RCSD1: variants seen among roughly 807,000 people sequenced by gnomAD.
RCSD1 encodes RCSD domain containing 1, also known as capZ-interacting protein.
RCSD1 carries 26 observed loss-of-function variants against 42.5 expected under a neutral mutation model. The observed-to-expected ratio is 0.61, with a 90% confidence interval of 0.45 to 0.85. The LOEUF (loss-of-function observed/expected upper bound fraction) is 0.85, where lower values mean the gene tolerates loss of function less well. Ranked by LOEUF, RCSD1 falls within the 40% of genes least tolerant of loss-of-function variation. The pLI, the probability that RCSD1 is intolerant of heterozygous loss-of-function variation, is 0.00. For synonymous variants in RCSD1, 220 were observed against 212.2 expected, an observed-to-expected ratio of 1.04 and a Z score of -0.32; for missense variants, 571 against 528.3, an observed-to-expected ratio of 1.08 and a Z score of -0.79.
rs141654714 is a variant in RCSD1, at chr1:167,652,727, T to C, written c.6+22298T>C. Among the ~76,000 whole-genome samples the C allele has an allele frequency of 2.9e-3, 437 of 152,326 alleles. 4 individuals carry two copies. The highest frequency in any genetic ancestry group is 0.01 in the African/African-American group (418 of 41,584). On this transcript the variant is annotated intron_variant, in intron 1 of 6. Transcript: ENST00000367854. ...AGCATGGGGGATTTTTTTTTAGCCT[T>C]TTTCTTGTTTCATACACATCTCCAT...
chr1:167,694,516 C>T (rs887287561), intron 5 of RCSD1, among the ~76,000 whole-genome samples: 2 of 152,190 alleles, frequency 1.3e-5, no homozygotes, highest in Non-Finnish European at 2.9e-5. Context: ...CTCATCTCCC[C>T]TTGCTGTAAC....
chr1:167,658,062 G>A (rs551233633), intron 1 of RCSD1, among the ~76,000 whole-genome samples: 1 of 151,944 alleles, frequency 6.6e-6, no homozygotes, highest in African/African-American at 2.4e-5. Flanking sequence ...CGAGTAACTG[G>A]GACTACAGGT....
intron 1 of RCSD1, among the ~76,000 whole-genome samples, chr1:167,646,953 A>C (rs1190907666): frequency 6.6e-6 from 1 of 151,906 alleles, no homozygotes; most frequent in East Asian, 1.9e-4. Flanking sequence ...AACATGGTGA[A>C]ACCCCATCTC....
intron 1 of RCSD1, among the ~76,000 whole-genome samples, chr1:167,682,007 T>C (rs1386279106): frequency 6.6e-6 from 1 of 152,170 alleles, no homozygotes; most frequent in East Asian, 1.9e-4. Context: ...TGAATCCTTT[T>C]ATATCTTTAT....
At chr1:167,676,538 CA>C (rs1322739331) in intron 1 of RCSD1, among the ~76,000 whole-genome samples, 1 of 152,184 alleles carries the variant, frequency 6.6e-6, no homozygotes, top group African/African-American at 2.4e-5. Context: ...CCACCAGACT[CA>C]AAATAATTTC....
intron 1 of RCSD1, among the ~76,000 whole-genome samples, chr1:167,632,501 C>T (rs1327281963): frequency 6.6e-6 from 1 of 152,152 alleles, no homozygotes; most frequent in Non-Finnish European, 1.5e-5. Flanking sequence ...AGCTGAGCAA[C>T]TTCCTGTGTG....
At chr1:167,671,893 A>G (rs1476079755) in intron 1 of RCSD1, among the ~76,000 whole-genome samples, 3 of 151,716 alleles carry the variant, frequency 2.0e-5, no homozygotes, top group Non-Finnish European at 2.9e-5. Flanking sequence ...CTGGCCTTGA[A>G]CTCCTCAACT....
At chr1:167,689,493 A>G (rs1977102) in intron 3 of RCSD1, among the ~76,000 whole-genome samples, 21,498 of 136,802 alleles carry the variant, frequency 0.16, 1,925 homozygotes, top group Non-Finnish European at 0.22. Context: ...AAAAAAAAAA[A>G]AAAAGAAAAG....
intron 3 of RCSD1, among the ~76,000 whole-genome samples, chr1:167,689,802 T>A (rs1312538927): frequency 2.6e-5 from 4 of 152,198 alleles, no homozygotes; most frequent in Admixed American, 6.5e-5. Context: ...GGAGAGACCT[T>A]CTGTGTTAAG....
chr1:167,702,041 A>G (rs1659657444), intron 6 of RCSD1, among the ~76,000 whole-genome samples: 1 of 152,188 alleles, frequency 6.6e-6, no homozygotes, highest in South Asian at 2.1e-4. Context: ...CAAACTAATT[A>G]TGGTTGCATT....
rs200645669 is a variant in RCSD1, at chr1:167,683,892, T to C, written c.7-8T>C. On this transcript the variant is annotated splice_region_variant and splice_polypyrimidine_tract_variant and intron_variant, in intron 1 of 6. Coordinates refer to ENST00000367854, the MANE Select transcript of RCSD1 (RefSeq NM_052862.4). The stretch of plus-strand genomic sequence containing the variant: ...CTGATTAACTGTTTCTTCTTCTCCA[T>C]TTGCCAGGAAAGACCGGCAGAGACC... The C allele has an allele frequency of 1.3e-5, 21 of 1,613,238 alleles. No individual in the cohort carries two copies. Among genetic ancestry groups the C allele is most frequent in the Non-Finnish European group, 1.8e-5 (21 of 1,179,610 alleles).
intron 6 of RCSD1, among the ~76,000 whole-genome samples, chr1:167,701,604 C>A (rs1288799505): frequency 6.6e-6 from 1 of 151,982 alleles, no homozygotes; most frequent in Non-Finnish European, 1.5e-5. Context: ...CTATGCCCAG[C>A]CTAGTTTAGA....
rs1659233734 is a variant in RCSD1 at position 167,686,225 on chromosome 1, A to G, written c.198+715A>G. 2.0e-5 allele frequency among the ~76,000 whole-genome samples: 3 copies of G among 152,170 alleles called. No individual in the cohort carries two copies. In the South Asian group the frequency reaches 6.2e-4, roughly 32 times the overall value. On this transcript the variant is annotated intron_variant, in intron 3 of 6. Transcript: ENST00000367854. ...TAGTCTGTGCCAGAAATGGATTTGT[A>G]TGTTCTGTCATCTCACCTGGGAGGC...
chr1:167,706,625 G>T lies in RCSD1; in HGVS notation c.*1929G>T, dbSNP rs892972161. ...AATGTGACATTGCGGCACCATGCTT[G>T]TGGGCATCAGAATACCTTTCTATCC... is the stretch of plus-strand genomic sequence containing the variant. On this transcript the variant is annotated 3_prime_UTR_variant, in exon 7 of 7. Transcript: ENST00000367854. Among the ~76,000 whole-genome samples the T allele has an allele frequency of 6.6e-6, 1 of 152,190 alleles. No individual in the cohort carries two copies. The highest frequency in any genetic ancestry group is 1.9e-4 in the East Asian group (1 of 5,206).
Position 167,651,927 on chromosome 1 carries a change from C to T in RCSD1, c.6+21498C>T, listed in dbSNP as rs1658319810. Among the ~76,000 whole-genome samples the T allele has an allele frequency of 2.0e-5, 3 of 151,778 alleles. No homozygotes were observed. In the South Asian group the frequency reaches 6.2e-4, roughly 32 times the overall value. ...TGTTTTTTCTCACCCAAACAGTTAA[C>T]AGTGCCTTTTCCCACAGAAGGGCAG... On this transcript the variant is annotated intron_variant, in intron 1 of 6. Transcript: ENST00000367854.
At chr1:167,690,006 C>T (rs777942464) in intron 3 of RCSD1, 43 bp from the exon 4 acceptor site, 2 of 1,600,424 alleles carry the variant, frequency 1.2e-6, no homozygotes, top group African/African-American at 1.3e-5. Flanking sequence ...CCCCACTTTC[C>T]TCACCTTACT....
intron 1 of RCSD1, among the ~76,000 whole-genome samples, chr1:167,655,979 T>C (rs1322125227): frequency 1.3e-5 from 2 of 152,252 alleles, no homozygotes; most frequent in African/African-American, 4.8e-5. Flanking sequence ...GTGAAGAAAC[T>C]ATTAGTTAAA....
In RCSD1 at chr1:167,697,830, C is replaced by T; in HGVS notation, c.1206C>T (p.Val402=). Residue 402 remains valine, a synonymous_variant, in exon 6 of 7, where the codon GTC becomes GTT. Coordinates refer to ENST00000367854, the MANE Select transcript of RCSD1 (RefSeq NM_052862.4). ...TSSEVQSEPA[V]PKPEDDTPVQ... is the part of the protein sequence containing the mutation. ...GTGAGGTCCAGAGCGAGCCAGCAGT[C>T]CCCAAGCCGGAGGTAGGTGGCCTGG... 13 of 1,464,176 alleles carry T rather than the reference C, an allele frequency of 8.9e-6. No individual in the cohort carries two copies. The highest frequency in any genetic ancestry group is 1.2e-5 in the Non-Finnish European group (13 of 1,107,864). 90.7% of individuals were successfully genotyped at this position (1,464,176 alleles called of 1,614,324 possible). A position where few individuals can be genotyped will look rare whatever the true frequency, so the allele number is the denominator to read the frequency against.
chr1:167,688,822 A>AACCAGATAGATCAGGGAGG (rs1659303875), intron 3 of RCSD1, among the ~76,000 whole-genome samples: 2 of 152,322 alleles, frequency 1.3e-5, no homozygotes, highest in East Asian at 3.9e-4. Flanking sequence ...AGCAGGTCAT[A>AACCAGATAGATCAGGGAGG]CACATTGGTC....
Sources: allele counts gnomAD v4.1 joint callset (sites outside exome capture counted in the v4.1 genomes callset), GRCh38; gene constraint gnomAD v4.1.1; transcripts MANE v1.5; gene names NCBI Gene and HGNC (gene_info 2026-07-23, HGNC 2026-07-21).